FHIT: variants seen among roughly 807,000 people sequenced by gnomAD.
FHIT encodes fragile histidine triad diadenosine triphosphatase, also known as bis(5'-adenosyl)-triphosphatase.
A neutral mutation model predicts 17.9 loss-of-function variants in FHIT; 19 were observed. The ratio of observed to expected loss-of-function variants is 1.06; its 90% CI spans 0.74 to 1.56. The LOEUF is 1.56. Among genes scored for constraint, FHIT ranks in the 40% most tolerant of loss-of-function variants. The probability of loss-of-function intolerance (pLI) is 0.00; values close to 1 mark genes in which losing one functional copy is unlikely to be tolerated. For synonymous variants in FHIT, 81 were observed against 69.7 expected (o/e 1.16, Z -0.81); for missense variants, 248 against 189.2 (o/e 1.31, Z -1.82).
intron 5 of FHIT, among the ~76,000 whole-genome samples, chr3:60,458,537 A>G (rs2032256428): frequency 6.6e-6 from 1 of 151,978 alleles, no homozygotes; most frequent in African/African-American, 2.4e-5. Context: ...ATGTATACAT[A>G]TGTAACTAAC....
At chr3:60,255,527 C>A (rs1002093804) in intron 5 of FHIT, among the ~76,000 whole-genome samples, 17 of 152,036 alleles carry the variant, frequency 1.1e-4, no homozygotes, top group African/African-American at 4.1e-4. Flanking sequence ...AACTTCTCAC[C>A]AACTGCTTTC....
chr3:60,582,207 T>A lies in FHIT; in HGVS notation c.-17-45228A>T, dbSNP rs532045136. On this transcript the variant is annotated intron_variant, in intron 4 of 9. Coordinates refer to ENST00000492590, the MANE Select transcript of FHIT (RefSeq NM_002012.4). The stretch of plus-strand genomic sequence containing the variant: ...AGACATCAGGATATTTTTAAGCTTC[T>A]TAGTTTTTAAATGTATAACCAAGGT... Among the ~76,000 whole-genome samples the A allele has an allele frequency of 3.3e-5, 5 of 152,098 alleles. No homozygotes were observed. The East Asian group carries it at 9.7e-4, about 30-fold the overall frequency.
At chr3:60,327,980 T>C (rs1453280445) in intron 5 of FHIT, among the ~76,000 whole-genome samples, 1 of 152,184 alleles carries the variant, frequency 6.6e-6, no homozygotes, top group Non-Finnish European at 1.5e-5. Flanking sequence ...CCCAGAGCCC[T>C]GTGAGAGCTA....
At chr3:60,818,945 G>A (rs1701827920) in intron 4 of FHIT, among the ~76,000 whole-genome samples, 1 of 151,748 alleles carries the variant, frequency 6.6e-6, no homozygotes. Context: ...GTGCTTCCAA[G>A]TTTTGAATTT....
intron 5 of FHIT, among the ~76,000 whole-genome samples, chr3:60,343,728 T>G (rs1181433373): frequency 2.0e-5 from 3 of 152,246 alleles, no homozygotes; most frequent in Admixed American, 2.0e-4. Context: ...CCACCCACAT[T>G]CTGATGCACT....
At chr3:60,855,437 T>C (rs1703341285) in intron 3 of FHIT, among the ~76,000 whole-genome samples, 1 of 152,138 alleles carries the variant, frequency 6.6e-6, no homozygotes, top group Non-Finnish European at 1.5e-5. Flanking sequence ...CGCTTTGTGC[T>C]TAGAGCTGTA....
intron 5 of FHIT, among the ~76,000 whole-genome samples, chr3:60,246,587 G>C (rs190907678): frequency 2.6e-5 from 4 of 152,218 alleles, no homozygotes; most frequent in Admixed American, 2.6e-4. Flanking sequence ...ACACAGATCC[G>C]ACCTGCAGAA....
chr3:59,978,837 G>C (rs756660851), intron 7 of FHIT, among the ~76,000 whole-genome samples: 1 of 151,646 alleles, frequency 6.6e-6, no homozygotes, highest in Non-Finnish European at 1.5e-5. Flanking sequence ...AAACTCAATG[G>C]TCTGGATATT....
chr3:61,113,860 G>T (rs559214561), intron 2 of FHIT, among the ~76,000 whole-genome samples: 1 of 152,306 alleles, frequency 6.6e-6, no homozygotes, highest in Admixed American at 6.5e-5. Flanking sequence ...AGTTGCATTT[G>T]AATTCAGACT....
intron 7 of FHIT, among the ~76,000 whole-genome samples, chr3:60,002,647 C>T (rs1351002492): frequency 1.3e-5 from 2 of 152,206 alleles, no homozygotes; most frequent in African/African-American, 2.4e-5. Context: ...ACATCTGTGG[C>T]TCTGCAGGTT....
At chr3:60,100,122 C>T (rs1704129834) in intron 5 of FHIT, among the ~76,000 whole-genome samples, 1 of 152,154 alleles carries the variant, frequency 6.6e-6, no homozygotes, top group African/African-American at 2.4e-5. Context: ...CAATATAGGA[C>T]TGAAAAGCTA....
intron 4 of FHIT, among the ~76,000 whole-genome samples, chr3:60,759,058 T>C (rs60291058): frequency 0.028 from 4,301 of 152,038 alleles, 212 homozygotes; most frequent in African/African-American, 0.097. Flanking sequence ...TGAGTACCAG[T>C]AGAAGGCCAG....
At chr3:59,844,325 C>A (rs963858394) in intron 8 of FHIT, among the ~76,000 whole-genome samples, 2 of 152,084 alleles carry the variant, frequency 1.3e-5, no homozygotes, top group African/African-American at 2.4e-5. Flanking sequence ...ACTTTAAGTA[C>A]TATGTTGAAT....
intron 8 of FHIT, among the ~76,000 whole-genome samples, chr3:59,785,746 C>T (rs1274995320): frequency 6.6e-6 from 1 of 152,154 alleles, no homozygotes; most frequent in African/African-American, 2.4e-5. Context: ...ATTTGGGAAA[C>T]AAGGAGTTAC....
At chr3:61,086,173 G>A (rs2035301000) in intron 2 of FHIT, among the ~76,000 whole-genome samples, 1 of 152,008 alleles carries the variant, frequency 6.6e-6, no homozygotes, top group Non-Finnish European at 1.5e-5. Flanking sequence ...CCTTTTCTCA[G>A]ACCTAATCTT....
At chr3:60,141,449 A>G (rs1700036078) in intron 5 of FHIT, among the ~76,000 whole-genome samples, 1 of 152,236 alleles carries the variant, frequency 6.6e-6, no homozygotes, top group African/African-American at 2.4e-5. Flanking sequence ...TTGAAAAATC[A>G]AAGCGAGAAA....
intron 3 of FHIT, among the ~76,000 whole-genome samples, chr3:60,974,038 C>A (rs1020196646): frequency 5.9e-5 from 9 of 152,148 alleles, no homozygotes; most frequent in African/African-American, 2.2e-4. Context: ...ATCATGCACA[C>A]AATTCATAGG....
Position 59,913,072 on chromosome 3 carries a change from T to C in FHIT, c.348+9274A>G, listed in dbSNP as rs534489655. Among the ~76,000 whole-genome samples, 4 of 152,316 alleles carry C rather than the reference T, an allele frequency of 2.6e-5. No homozygotes were observed. In the South Asian group the frequency reaches 8.3e-4, roughly 32 times the overall value. ...AATAAAGTACCTAGATGGGGACTAC[T>C]GGGCCATATCCTAAAAGCAGAGAAA... On this transcript the variant is annotated intron_variant, in intron 8 of 9. Transcript: ENST00000492590.
chr3:59,785,270 T>G (rs889248396), intron 8 of FHIT, among the ~76,000 whole-genome samples: 1 of 151,674 alleles, frequency 6.6e-6, no homozygotes, highest in African/African-American at 2.4e-5. Context: ...TATAAATGTT[T>G]CCAGTATAAC....
Sources: gnomAD v4.1 joint callset for allele counts (sites outside exome capture counted in the v4.1 genomes callset) on GRCh38, gnomAD v4.1.1 for gene constraint, MANE v1.5 for transcripts, NCBI Gene and HGNC (gene_info 2026-07-23, HGNC 2026-07-21) for gene names.